Variants in NCK2 observed in about 807,000 individuals in gnomAD.
NCK2 encodes the protein cytoplasmic protein NCK2.
NCK2 carries 16 observed loss-of-function variants against 33.9 expected under a neutral mutation model. The observed-to-expected ratio is 0.47, with a 90% CI of 0.32 to 0.72. The LOEUF is 0.72. NCK2 is among the 30% of genes least tolerant of loss of function. The probability of loss-of-function intolerance (pLI) is 0.03; values close to 1 mark genes in which losing one functional copy is unlikely to be tolerated. For synonymous variants in NCK2, 273 were observed against 239.9 expected, an observed-to-expected ratio of 1.14 and a Z score of -1.27; for missense variants, 418 against 537.3, an observed-to-expected ratio of 0.78 and a Z score of 2.19.
At chr2:105,830,263 A>T (rs747378725) in intron 2 of NCK2, among the ~76,000 whole-genome samples, 1 of 151,728 alleles carries the variant, frequency 6.6e-6, no homozygotes, top group African/African-American at 2.4e-5. Flanking sequence ...CCTCTATTCT[A>T]TTCTCTACTT....
intron 2 of NCK2, among the ~76,000 whole-genome samples, chr2:105,847,851 G>C (rs1017418603): frequency 7.9e-5 from 12 of 151,816 alleles, no homozygotes; most frequent in African/African-American, 2.9e-4. Flanking sequence ...GCTTTTCTAG[G>C]CTAGCTAGAT....
At chr2:105,749,995 A>C (rs566359368) in intron 1 of NCK2, among the ~76,000 whole-genome samples, 2 of 148,316 alleles carry the variant, frequency 1.3e-5, no homozygotes, top group South Asian at 2.2e-4. Context: ...ACACCACTGC[A>C]CTCCTGGGTG....
intron 2 of NCK2, among the ~76,000 whole-genome samples, chr2:105,835,402 T>TATATATATATATATATATATATATATAC (rs1278239028): frequency 1.4e-5 from 1 of 73,116 alleles, no homozygotes. Flanking sequence ...TATATATATA[T>TATATATATATATATATATATATATATAC]ATACGTGTAT....
chr2:105,810,756 A>G (rs569388533), intron 1 of NCK2, among the ~76,000 whole-genome samples: 22 of 152,362 alleles, frequency 1.4e-4, no homozygotes, highest in African/African-American at 5.1e-4. Flanking sequence ...AGAGGCTAGC[A>G]TTAAATATAT....
At chr2:105,889,215 G>A (rs1678857809) in intron 4 of NCK2, among the ~76,000 whole-genome samples, 2 of 152,230 alleles carry the variant, frequency 1.3e-5, no homozygotes, top group Admixed American at 1.3e-4. Flanking sequence ...AGACCATACA[G>A]CAGTGTCCCA....
intron 4 of NCK2, among the ~76,000 whole-genome samples, chr2:105,890,238 A>T (rs1187457865): frequency 6.6e-6 from 1 of 152,192 alleles, no homozygotes; most frequent in African/African-American, 2.4e-5. Context: ...ATACAGGCAC[A>T]CACACACCAT....
Position 105,810,014 on chromosome 2 carries a change from G to A in NCK2, c.-200-6416G>A, listed in dbSNP as rs562824226. 1.2e-3 allele frequency among the ~76,000 whole-genome samples: 177 copies of A among 152,274 alleles called. 1 individual carries two copies. Among genetic ancestry groups the A allele is most frequent in the African/African-American group, 4.1e-3 (171 of 41,548 alleles). On this transcript the variant is annotated intron_variant, in intron 1 of 4. Coordinates refer to ENST00000233154, the MANE Select transcript of NCK2 (RefSeq NM_003581.5). ...TGGGCCTGAAAGGAGAGTGGGTGCT[G>A]AGGTCTCATTCAGTGGCAGGGCCAG...
intron 3 of NCK2, among the ~76,000 whole-genome samples, chr2:105,871,518 CAG>C (rs1377746657): frequency 1.3e-5 from 2 of 151,092 alleles, no homozygotes; most frequent in East Asian, 3.9e-4. Flanking sequence ...TTTTTTGAGA[CAG>C]AGTCTCCCTC....
rs115032882 is a variant in NCK2, at chr2:105,755,508, G to A, written c.-201+10370G>A. Among the ~76,000 whole-genome samples the A allele has an allele frequency of 2.4e-3, 367 of 152,270 alleles. 1 individual carries two copies. Among genetic ancestry groups the A allele is most frequent in the African/African-American group, 8.0e-3 (333 of 41,544 alleles). On this transcript the variant is annotated intron_variant, in intron 1 of 4. Coordinates refer to ENST00000233154, the MANE Select transcript of NCK2 (RefSeq NM_003581.5). ...AGGTTCTCCTTTCATGAGTGCCTCCGGTTGGTGAGGGTTCCATGTGTAAGG... is the reference window on the plus strand; with the variant it reads ...AGGTTCTCCTTTCATGAGTGCCTCCAGTTGGTGAGGGTTCCATGTGTAAGG...
intron 3 of NCK2, among the ~76,000 whole-genome samples, chr2:105,860,848 C>G (rs72827111): frequency 6.7e-6 from 1 of 148,840 alleles, no homozygotes; most frequent in Non-Finnish European, 1.5e-5. Context: ...CCATTCCTTG[C>G]GACTGCAACT....
intron 1 of NCK2, among the ~76,000 whole-genome samples, chr2:105,784,476 A>G (rs963082709): frequency 3.3e-5 from 5 of 152,216 alleles, no homozygotes; most frequent in African/African-American, 1.2e-4. Flanking sequence ...ATTGAGGTGA[A>G]GGGGCATGTT....
intron 2 of NCK2, among the ~76,000 whole-genome samples, chr2:105,849,972 G>A (rs1382646223): frequency 1.3e-5 from 2 of 152,158 alleles, no homozygotes; most frequent in African/African-American, 2.4e-5. Context: ...TGAAGAGGCA[G>A]CTGGGCTAAG....
chr2:105,856,216 G>C (rs912079379), intron 3 of NCK2, among the ~76,000 whole-genome samples: 2 of 152,150 alleles, frequency 1.3e-5, no homozygotes, highest in Admixed American at 6.5e-5. Context: ...ACAGTATCCA[G>C]TCTTGCCTTT....
At chr2:105,878,729 A>T (rs892112357) in intron 3 of NCK2, among the ~76,000 whole-genome samples, 4 of 152,258 alleles carry the variant, frequency 2.6e-5, no homozygotes, top group African/African-American at 4.8e-5. Flanking sequence ...AATTTGACTA[A>T]GAGCATGCAG....
At chr2:105,780,321 T>TAC (rs1690446486) in intron 1 of NCK2, among the ~76,000 whole-genome samples, 2 of 102,544 alleles carry the variant, frequency 2.0e-5, no homozygotes, top group African/African-American at 6.5e-5. Context: ...GGGAGAGAGA[T>TAC]ATATACACAC....
intron 1 of NCK2, among the ~76,000 whole-genome samples, chr2:105,767,187 C>G (rs1168191149): frequency 6.6e-6 from 1 of 152,156 alleles, no homozygotes; most frequent in East Asian, 1.9e-4. Flanking sequence ...TTCCATATTC[C>G]CAGGTATATG....
rs140367761 is a variant in NCK2 at position 105,881,764 on chromosome 2, C to G, written c.663C>G (p.Thr221=). 3.7e-6 allele frequency: 6 copies of G among 1,614,054 alleles called. No individual in the cohort carries two copies. The East Asian group carries it at 8.9e-5, about 24-fold the overall frequency. Residue 221 remains threonine (T), a synonymous_variant, in exon 4 of 5, where the codon ACC becomes ACG. Transcript: ENST00000233154. The stretch of plus-strand genomic sequence containing the variant: ...AGCTCAACTTCGAGAAGGGGGAGAC[C>G]ATGGAGGTGATTGAGAAGCCGGAGA... The part of the protein sequence containing the change: ...EEELNFEKGE[T]MEVIEKPEND...
At chr2:105,817,187 A>AAC (rs1196272511) in intron 2 of NCK2, among the ~76,000 whole-genome samples, 1 of 151,586 alleles carries the variant, frequency 6.6e-6, no homozygotes, top group Non-Finnish European at 1.5e-5. Context: ...AAAAAAAAAA[A>AAC]AAACCTACAT....
chr2:105,822,887 CG>C (rs1483555995), intron 2 of NCK2, among the ~76,000 whole-genome samples: 1 of 151,950 alleles, frequency 6.6e-6, no homozygotes, highest in Non-Finnish European at 1.5e-5. Context: ...TTGCCTAGTA[CG>C]GCCCAGCGTT....
Sources: allele counts gnomAD v4.1 joint callset (sites outside exome capture counted in the v4.1 genomes callset), GRCh38; gene constraint gnomAD v4.1.1; transcripts MANE v1.5; gene names NCBI Gene and HGNC (gene_info 2026-07-23, HGNC 2026-07-21).